MKLN1: variants seen among roughly 807,000 people sequenced by gnomAD.
The protein encoded by MKLN1 is muskelin 1, also known as muskelin.
MKLN1 carries 18 observed loss-of-function variants against 99.0 expected under a neutral mutation model. The observed-to-expected ratio is 0.18, with a 90% CI of 0.13 to 0.27. The LOEUF is 0.27. MKLN1 is among the 10% of genes least tolerant of loss of function. The pLI, the probability that MKLN1 is intolerant of heterozygous loss-of-function variation, is 1.00. For synonymous variants in MKLN1, 288 were observed against 293.2 expected, an observed-to-expected ratio of 0.98 and a Z score of 0.18; for missense variants, 621 against 875.9, an observed-to-expected ratio of 0.71 and a Z score of 3.67.
chr7:131,186,808 T>C (rs75907959), intron 2 of MKLN1, among the ~76,000 whole-genome samples: 1,727 of 152,294 alleles, frequency 0.011, 34 homozygotes, highest in African/African-American at 0.04. Flanking sequence ...ATCTTAATTA[T>C]GAGTTTAGTA....
At chr7:131,160,489 ATTAATT>A (rs1407061130) in intron 2 of MKLN1, among the ~76,000 whole-genome samples, 2 of 128,042 alleles carry the variant, frequency 1.6e-5, no homozygotes, top group African/African-American at 2.9e-5. Context: ...TATTATTATT[ATTAATT>A]ATTATTATTA....
At chr7:131,241,398 G>GA (rs67546678) in intron 3 of MKLN1, among the ~76,000 whole-genome samples, 57,369 of 141,594 alleles carry the variant, frequency 0.41, 12,846 homozygotes, top group Admixed American at 0.55. Flanking sequence ...AAAGAAAAAA[G>GA]AAAAAAAAAA....
chr7:131,327,980 C>T lies in MKLN1; in HGVS notation c.81C>T (p.Ser27=), dbSNP rs1231936196. The T allele has an allele frequency of 1.9e-6, 3 of 1,613,900 alleles. No individual in the cohort carries two copies. Among genetic ancestry groups the T allele is most frequent in the Non-Finnish European group, 1.7e-6 (2 of 1,179,862 alleles). The stretch of plus-strand genomic sequence containing the variant: ...CGCTACACAAGTGGAGCTCCTTTTC[C>T]TCCACCTACCTTCCCGAGTAAGTGC... ...PYALHKWSSF[S]STYLPENILV... The change falls in exon 1 of 18, where the codon TCC becomes TCT. Residue 27 remains serine (S), a synonymous_variant. Transcript: ENST00000352689.
At chr7:131,221,064 C>G (rs1218027684) in intron 3 of MKLN1, among the ~76,000 whole-genome samples, 1 of 152,164 alleles carries the variant, frequency 6.6e-6, no homozygotes, top group Non-Finnish European at 1.5e-5. Context: ...TGCCTCATAT[C>G]AGTGATTTTG....
At chr7:131,409,473 A>C (rs1794807165) in intron 6 of MKLN1, among the ~76,000 whole-genome samples, 1 of 152,208 alleles carries the variant, frequency 6.6e-6, no homozygotes, top group Non-Finnish European at 1.5e-5. Flanking sequence ...AATTTTGAAA[A>C]GTCTCAAAGG....
chr7:131,457,648 G>GC (rs1796388214), intron 12 of MKLN1, among the ~76,000 whole-genome samples: 1 of 152,204 alleles, frequency 6.6e-6, no homozygotes, highest in African/African-American at 2.4e-5. Flanking sequence ...GGGCACGGGG[G>GC]CTCACACCTG....
chr7:131,351,541 G>A (rs1244074139), intron 1 of MKLN1, among the ~76,000 whole-genome samples: 1 of 151,950 alleles, frequency 6.6e-6, no homozygotes, highest in African/African-American at 2.4e-5. Context: ...GCTCACTGTA[G>A]CCTTGAACCT....
rs748411633 is a variant in MKLN1 at position 131,468,272 on chromosome 7, CTTT to C, written c.1928+1860_1928+1862del. Among the ~76,000 whole-genome samples, 18 of 152,238 alleles carry C rather than the reference CTTT, an allele frequency of 1.2e-4. No homozygotes were observed. In the East Asian group the frequency reaches 3.3e-3, roughly 28 times the overall value. On this transcript the variant is annotated intron_variant, in intron 15 of 17. Transcript: ENST00000352689. Reference sequence around the variant, plus strand: ...AGACAATAAAAGGCTTATTTTAGACCTTTTTCTCTACCAAGCTGTTAGATAAAT... The same window carrying C: ...AGACAATAAAAGGCTTATTTTAGACCTTCTCTACCAAGCTGTTAGATAAAT...
chr7:131,273,016 G>C (rs907598948), intron 3 of MKLN1, among the ~76,000 whole-genome samples: 7 of 152,232 alleles, frequency 4.6e-5, no homozygotes, highest in Non-Finnish European at 1.0e-4. Context: ...AGAGGAAAGA[G>C]AAAGGATGTT....
chr7:131,460,742 C>T (rs903120609), intron 12 of MKLN1, among the ~76,000 whole-genome samples: 3 of 152,278 alleles, frequency 2.0e-5, no homozygotes, highest in African/African-American at 4.8e-5. Flanking sequence ...TGGACATTGC[C>T]TGATTTGACC....
chr7:131,459,362 A>G (rs1191271013), intron 12 of MKLN1, among the ~76,000 whole-genome samples: 1 of 152,128 alleles, frequency 6.6e-6, no homozygotes, highest in Non-Finnish European at 1.5e-5. Flanking sequence ...TTAGAATTTA[A>G]AAGTCTAGGC....
intron 3 of MKLN1, among the ~76,000 whole-genome samples, chr7:131,210,424 T>C (rs1796883293): frequency 6.6e-6 from 1 of 151,678 alleles, no homozygotes; most frequent in Non-Finnish European, 1.5e-5. Flanking sequence ...CCCAGCTACT[T>C]GGGAGGCTGA....
At chr7:131,321,323 G>T (rs1237251862) in intron 3 of MKLN1, among the ~76,000 whole-genome samples, 1 of 152,076 alleles carries the variant, frequency 6.6e-6, no homozygotes, top group African/African-American at 2.4e-5. Context: ...AATTAACACA[G>T]GAACAGAAAA....
At chr7:131,408,776 AAG>A (rs1210382272) in intron 6 of MKLN1, among the ~76,000 whole-genome samples, 1 of 152,046 alleles carries the variant, frequency 6.6e-6, no homozygotes, top group African/African-American at 2.4e-5. Flanking sequence ...GTGCTTTTTT[AAG>A]AGAGTATCCA....
chr7:131,425,847 A>G (rs1377336323), intron 8 of MKLN1, among the ~76,000 whole-genome samples: 1 of 152,154 alleles, frequency 6.6e-6, no homozygotes, highest in African/African-American at 2.4e-5. Flanking sequence ...GTTCTCTCCA[A>G]TTATATCCAT....
intron 16 of MKLN1, chr7:131,478,391 C>T (rs1584783678): frequency 2.5e-6 from 1 of 399,638 alleles, no homozygotes; most frequent in East Asian, 3.7e-5. Context: ...AAAATAATTC[C>T]AGGACATGGC....
At chr7:131,373,557 T>TTAA (rs1343388308) in intron 1 of MKLN1, among the ~76,000 whole-genome samples, 1 of 152,168 alleles carries the variant, frequency 6.6e-6, no homozygotes, top group Non-Finnish European at 1.5e-5. Context: ...TCTCTTTATT[T>TTAA]GTGTTGGTAT....
rs539572653 is a variant in MKLN1 at position 131,463,393 on chromosome 7, C to A, written c.1673+29C>A. On this transcript the variant is annotated intron_variant, in intron 13 of 17. Coordinates refer to ENST00000352689, the MANE Select transcript of MKLN1 (RefSeq NM_013255.5). ...AGGAACTCTTGTCTCTGCTGCAATC[C>A]CAATGTAATAATTATTTGAGGTTGT... 1.1e-4 allele frequency: 172 copies of A among 1,587,570 alleles called. 3 individuals are homozygous for A. The South Asian group carries it at 1.9e-3, about 17-fold the overall frequency.
At chr7:131,145,439 G>C (rs1009289460) in intron 2 of MKLN1, among the ~76,000 whole-genome samples, 12 of 152,098 alleles carry the variant, frequency 7.9e-5, no homozygotes, top group Non-Finnish European at 1.8e-4. Flanking sequence ...GAAATGTAAC[G>C]TTCGAGAGGG....
Sources: allele counts gnomAD v4.1 joint callset (sites outside exome capture counted in the v4.1 genomes callset), GRCh38; gene constraint gnomAD v4.1.1; transcripts MANE v1.5; gene names NCBI Gene and HGNC (gene_info 2026-07-23, HGNC 2026-07-21).